The following ATXN7 variants were observed in gnomAD, a reference collection of about 807,000 sequenced individuals.
The protein encoded by ATXN7 is ataxin 7.
In ATXN7, 12 loss-of-function variants were observed where a neutral mutation model predicts 70.5. The observed-to-expected ratio is 0.17, with a 90% CI of 0.11 to 0.28. The LOEUF (loss-of-function observed/expected upper bound fraction) is 0.28. Ranked by LOEUF, ATXN7 falls within the 10% of genes least tolerant of loss-of-function variation. The pLI is 1.00. For missense variants in ATXN7, 1,256 were observed against 1,131.7 expected (o/e 1.11, Z -1.58); for synonymous variants, 498 against 448.7 (o/e 1.11, Z -1.39).
At chr3:63,909,648 A>T (rs1410252407) in intron 2 of ATXN7, among the ~76,000 whole-genome samples, 1 of 152,076 alleles carries the variant, frequency 6.6e-6, no homozygotes, top group African/African-American at 2.4e-5. Flanking sequence ...TGCTGTTTTG[A>T]CTTTTTTTGG....
intron 5 of ATXN7, among the ~76,000 whole-genome samples, chr3:63,965,247 TA>T (rs1448870833): frequency 6.6e-6 from 1 of 152,188 alleles, no homozygotes; most frequent in African/African-American, 2.4e-5. Context: ...GGCGTTGCAT[TA>T]CCTGCATTAT....
At chr3:63,931,560 GT>G (rs1218074278) in intron 4 of ATXN7, among the ~76,000 whole-genome samples, 4 of 152,128 alleles carry the variant, frequency 2.6e-5, no homozygotes, top group Non-Finnish European at 5.9e-5. Context: ...GCCGCTACAG[GT>G]CTGATCCAGT....
At chr3:63,895,477 T>G (rs914686298) in intron 1 of ATXN7, among the ~76,000 whole-genome samples, 1 of 152,172 alleles carries the variant, frequency 6.6e-6, no homozygotes, top group Non-Finnish European at 1.5e-5. Context: ...TAAAATACGT[T>G]TTTTTACTAT....
chr3:63,885,078 C>G (rs1306866523), intron 1 of ATXN7, among the ~76,000 whole-genome samples: 4 of 152,086 alleles, frequency 2.6e-5, no homozygotes, highest in Non-Finnish European at 5.9e-5. Context: ...TTTTGGATAT[C>G]ACCCCAAAAG....
intron 6 of ATXN7, 141 bp from the exon 7 acceptor site, chr3:63,982,045 C>T: frequency 8.7e-7 from 1 of 1,150,262 alleles, no homozygotes; most frequent in South Asian, 1.5e-5. Context: ...ACTAACAAAA[C>T]TCATAAGGAG....
rs147259509 is a variant in ATXN7 at position 63,996,301 on chromosome 3, A to G, written c.2479A>G (p.Thr827Ala). 1,193 of 1,613,716 alleles carry G rather than the reference A, an allele frequency of 7.4e-4. 2 individuals are homozygous for G. Among genetic ancestry groups the G allele is most frequent in the African/African-American group, 3.7e-3 (276 of 74,856 alleles). Residue 827 changes from threonine to alanine, a missense_variant, in exon 12 of 13, where the codon ACT becomes GCT. Coordinates refer to ENST00000674280, the MANE Select transcript of ATXN7 (RefSeq NM_001377405.1). ...CCACGGCAGTTTTTCCCACTCACAC[A>G]CTCCTCTAGACAAACTCATAGGAAA... is the stretch of plus-strand genomic sequence containing the variant. ...NSHGSFSHSH[T>A]PLDKLIGKKR...
At chr3:63,966,885 G>T (rs1239300749) in intron 5 of ATXN7, among the ~76,000 whole-genome samples, 1 of 152,132 alleles carries the variant, frequency 6.6e-6, no homozygotes, top group Non-Finnish European at 1.5e-5. Context: ...GAACTATCAG[G>T]TATCTAAGTC....
At chr3:63,934,556 G>A (rs2074623241) in intron 4 of ATXN7, among the ~76,000 whole-genome samples, 2 of 152,112 alleles carry the variant, frequency 1.3e-5, no homozygotes, top group Admixed American at 1.3e-4. Context: ...AGTGAATTGA[G>A]GAGTATTATG....
intron 5 of ATXN7, among the ~76,000 whole-genome samples, chr3:63,975,597 A>T (rs370835069): frequency 6.6e-6 from 1 of 152,168 alleles, no homozygotes; most frequent in African/African-American, 2.4e-5. Context: ...AGCAATATTT[A>T]TGATATAAAA....
At chr3:63,941,512 C>A (rs1475427459) in intron 4 of ATXN7, among the ~76,000 whole-genome samples, 1 of 152,154 alleles carries the variant, frequency 6.6e-6, no homozygotes, top group Non-Finnish European at 1.5e-5. Flanking sequence ...ACCATTCTCT[C>A]CTTGCCCCAG....
chr3:63,947,973 C>G (rs2074890906), intron 4 of ATXN7, among the ~76,000 whole-genome samples: 1 of 152,040 alleles, frequency 6.6e-6, no homozygotes, highest in South Asian at 2.1e-4. Context: ...ACCTTGGGAG[C>G]CAGGGTAAGG....
chr3:63,940,845 A>G (rs1303719900), intron 4 of ATXN7, among the ~76,000 whole-genome samples: 1 of 152,196 alleles, frequency 6.6e-6, no homozygotes, highest in Non-Finnish European at 1.5e-5. Flanking sequence ...AGGGATGCAG[A>G]CAAGATTTAT....
At chr3:63,938,827 T>C (rs906578725) in intron 4 of ATXN7, among the ~76,000 whole-genome samples, 1 of 152,196 alleles carries the variant, frequency 6.6e-6, no homozygotes, top group East Asian at 1.9e-4. Flanking sequence ...TTGTAACTTC[T>C]CTTTAAATAA....
intron 1 of ATXN7, among the ~76,000 whole-genome samples, chr3:63,879,532 G>C (rs1394142559): frequency 2.0e-5 from 3 of 149,040 alleles, no homozygotes; most frequent in Non-Finnish European, 4.4e-5. Context: ...CTGTCACCCA[G>C]GCTAAATGAA....
chr3:63,998,604 G>A, intron 12 of ATXN7: 2 of 985,286 alleles, frequency 2.0e-6, no homozygotes, highest in Non-Finnish European at 2.4e-6. Flanking sequence ...GATTTTCTCT[G>A]TGCAGAGGAA....
At chr3:63,908,610 G>A (rs1203518559) in intron 2 of ATXN7, among the ~76,000 whole-genome samples, 1 of 152,176 alleles carries the variant, frequency 6.6e-6, no homozygotes, top group Non-Finnish European at 1.5e-5. Flanking sequence ...ATGTTGTACT[G>A]GGACTGGTGG....
chr3:63,927,141 T>C (rs1704750361), intron 4 of ATXN7, among the ~76,000 whole-genome samples: 2 of 152,232 alleles, frequency 1.3e-5, no homozygotes, highest in Admixed American at 1.3e-4. Context: ...CGTGTGCCTT[T>C]ATAGTAGAAT....
rs2075843937 is a variant in ATXN7, at chr3:64,002,498, CGTGT to C, written c.*3039_*3042del. The C allele has an allele frequency of 6.6e-6, 1 of 150,842 alleles. No homozygotes were observed. The highest frequency in any genetic ancestry group is 1.5e-5 in the Non-Finnish European group (1 of 67,876). 9.3% of individuals were successfully genotyped at this position (150,842 alleles called of 1,614,324 possible). ...TTTTATGTGTGGGAGTATGTGACTG[CGTGT>C]GTGTGTGCCTGTGCGTGTGTGTGTA... On this transcript the variant is annotated 3_prime_UTR_variant, in exon 13 of 13. Coordinates refer to ENST00000674280, the MANE Select transcript of ATXN7 (RefSeq NM_001377405.1).
At chr3:63,999,369 T>G in intron 12 of ATXN7, 81 bp from the exon 13 acceptor site, 1 of 1,173,526 alleles carries the variant, frequency 8.5e-7, no homozygotes, top group Non-Finnish European at 1.3e-6. Context: ...TTTGGAATAT[T>G]CTTGTTTAGA....
Sources: gnomAD v4.1 joint callset for allele counts (sites outside exome capture counted in the v4.1 genomes callset) on GRCh38, gnomAD v4.1.1 for gene constraint, MANE v1.5 for transcripts, NCBI Gene and HGNC (gene_info 2026-07-23, HGNC 2026-07-21) for gene names.